Variants in SMAP2 observed in about 807,000 individuals in gnomAD.
SMAP2 encodes small ArfGAP2, also known as stromal membrane-associated protein 2.
In SMAP2, 25 loss-of-function variants were observed where a neutral mutation model predicts 56.4. The ratio of observed to expected loss-of-function variants is 0.44; its 90% CI spans 0.32 to 0.62. The LOEUF is 0.62. SMAP2 is among the 20% of genes least tolerant of loss of function. The probability of loss-of-function intolerance (pLI) is 0.04; values close to 1 mark genes in which losing one functional copy is unlikely to be tolerated. For synonymous variants in SMAP2, 157 were observed against 181.7 expected, an observed-to-expected ratio of 0.86 and a Z score of 1.09; for missense variants, 388 against 545.6, an observed-to-expected ratio of 0.71 and a Z score of 2.88.
chr1:40,416,768 T>C lies in SMAP2; in HGVS notation c.848-12T>C, dbSNP rs754636539. 6.3e-7 allele frequency: 1 copy of C among 1,590,170 alleles called. No individual in the cohort carries two copies. Among genetic ancestry groups the C allele is most frequent in the African/African-American group, 1.3e-5 (1 of 74,516 alleles). ...CCTCTTTAACCAACCTGTATGTGTG[T>C]TTTCTTGGCAGCAATGTTCATGGCT... On this transcript the variant is annotated splice_polypyrimidine_tract_variant and intron_variant, in intron 8 of 9. Coordinates refer to ENST00000372718, the MANE Select transcript of SMAP2 (RefSeq NM_022733.3).
intron 1 of SMAP2, among the ~76,000 whole-genome samples, chr1:40,351,928 G>A (rs186642584): frequency 3.3e-5 from 5 of 152,052 alleles, no homozygotes; most frequent in South Asian, 2.1e-4. Context: ...GTGAGCCACC[G>A]TACCCAGCCA....
At position 40,408,005 on chromosome 1, in the gene SMAP2, C is replaced by G. The variant is rs1644902381; in HGVS notation, c.238-648C>G. On this transcript the variant is annotated intron_variant, in intron 2 of 9. Transcript: ENST00000372718. The surrounding 1 kb of genome is among the most constrained non-coding windows in gnomAD (Gnocchi z 4.3). ...GAGTAAAAGGGAAGCCCCCCGCCCC[C>G]CAAATCCAGTTGCTAAAGTTGGTAA... 6.6e-6 allele frequency among the ~76,000 whole-genome samples: 1 copy of G among 152,074 alleles called. No homozygotes were observed. Among genetic ancestry groups the G allele is most frequent in the Admixed American group, 6.5e-5 (1 of 15,270 alleles).
intron 1 of SMAP2, among the ~76,000 whole-genome samples, chr1:40,387,810 C>T (rs932989025): frequency 5.9e-5 from 9 of 151,312 alleles, no homozygotes; most frequent in Non-Finnish European, 1.3e-4. Flanking sequence ...CCTGGGCTGG[C>T]CGAGGCCGGA....
At chr1:40,401,406 G>A (rs988247363) in intron 1 of SMAP2, among the ~76,000 whole-genome samples, 1 of 152,292 alleles carries the variant, frequency 6.6e-6, no homozygotes, top group Admixed American at 6.5e-5. Context: ...CTCCCTTCGC[G>A]TAGCCTGCCC....
intron 1 of SMAP2, among the ~76,000 whole-genome samples, chr1:40,388,663 C>T (rs186771394): frequency 4.7e-4 from 72 of 152,262 alleles, no homozygotes; most frequent in Admixed American, 1.3e-3. Flanking sequence ...CAGACCGCTC[C>T]GCTCTACCAA....
chr1:40,375,508 G>C (rs1644532791), intron 1 of SMAP2, among the ~76,000 whole-genome samples: 1 of 152,228 alleles, frequency 6.6e-6, no homozygotes, highest in African/African-American at 2.4e-5. Context: ...ATGTATTTTA[G>C]TGACCTCTAC....
At position 40,422,268 on chromosome 1, in the gene SMAP2, A is replaced by G; in HGVS notation, c.*167A>G. 1.2e-6 allele frequency: 1 copy of G among 868,412 alleles called. No individual in the cohort carries two copies. Among genetic ancestry groups the G allele is most frequent in the Non-Finnish European group, 1.7e-6 (1 of 572,656 alleles). 53.8% of individuals were successfully genotyped at this position (868,412 alleles called of 1,614,324 possible). ...CCTGCCCAGCCACTTCCCAAACATG[A>G]AGACCTCTCTGTTGCTTTATGTTGT... On this transcript the variant is annotated 3_prime_UTR_variant, in exon 10 of 10. Coordinates refer to ENST00000372718, the MANE Select transcript of SMAP2 (RefSeq NM_022733.3).
chr1:40,375,990 G>A (rs547982654), intron 1 of SMAP2, among the ~76,000 whole-genome samples: 30 of 151,624 alleles, frequency 2.0e-4, no homozygotes, highest in Admixed American at 1.7e-3. Context: ...TCGCTTTGTC[G>A]CCCAGGCTGG....
chr1:40,416,527 G>C (rs1644988695), intron 8 of SMAP2, among the ~76,000 whole-genome samples, 186 bp downstream of exon 8: 1 of 152,196 alleles, frequency 6.6e-6, no homozygotes, highest in Non-Finnish European at 1.5e-5. Context: ...CTTCTGTGGA[G>C]TCTGGGGTCA....
At chr1:40,378,891 T>C (rs1644567707) in intron 1 of SMAP2, among the ~76,000 whole-genome samples, 1 of 152,130 alleles carries the variant, frequency 6.6e-6, no homozygotes, top group Admixed American at 6.5e-5. Context: ...ATATGTACGG[T>C]ATAAAATCAT....
chr1:40,396,709 A>T, intron 1 of SMAP2: 1 of 355,518 alleles, frequency 2.8e-6, no homozygotes, highest in Non-Finnish European at 3.9e-6. Flanking sequence ...GTTCAAAGTT[A>T]CTGTTTATTG....
At chr1:40,345,959 T>C (rs1196297424) in intron 1 of SMAP2, among the ~76,000 whole-genome samples, 2 of 137,306 alleles carry the variant, frequency 1.5e-5, no homozygotes, top group South Asian at 2.2e-4. Flanking sequence ...ACCTGGTATT[T>C]CTATCACTTT....
At chr1:40,391,998 A>G (rs16865675) in intron 1 of SMAP2, among the ~76,000 whole-genome samples, 1,744 of 152,106 alleles carry the variant, frequency 0.011, 29 homozygotes, top group African/African-American at 0.04. Flanking sequence ...TTGAAATATC[A>G]GGTCCACCTG....
chr1:40,398,902 T>C (rs972432628), intron 1 of SMAP2, among the ~76,000 whole-genome samples: 1 of 152,234 alleles, frequency 6.6e-6, no homozygotes, highest in Non-Finnish European at 1.5e-5. Flanking sequence ...GTTACAGGTC[T>C]GGTGACAGCT....
At chr1:40,382,299 T>C (rs1375786133) in intron 1 of SMAP2, among the ~76,000 whole-genome samples, 1 of 152,194 alleles carries the variant, frequency 6.6e-6, no homozygotes, top group Non-Finnish European at 1.5e-5. Flanking sequence ...CTACTTGTTA[T>C]GTACACTGCC....
At chr1:40,353,026 G>A (rs1644416919) in intron 1 of SMAP2, among the ~76,000 whole-genome samples, 1 of 152,176 alleles carries the variant, frequency 6.6e-6, no homozygotes, top group Non-Finnish European at 1.5e-5. Context: ...TGGACTCTAT[G>A]GCAGACATTG....
intron 1 of SMAP2, among the ~76,000 whole-genome samples, chr1:40,404,247 A>G (rs1008962272): frequency 7.2e-5 from 11 of 152,258 alleles, no homozygotes; most frequent in Admixed American, 5.2e-4. Context: ...CTAGTGGCTC[A>G]AAACTAAAAG....
At chr1:40,351,519 T>A (rs981560914) in intron 1 of SMAP2, among the ~76,000 whole-genome samples, 7 of 152,188 alleles carry the variant, frequency 4.6e-5, no homozygotes, top group South Asian at 2.1e-4. Flanking sequence ...TTATTTATTT[T>A]TTGATACAGA....
chr1:40,392,508 C>T (rs1644726349), intron 1 of SMAP2, among the ~76,000 whole-genome samples: 1 of 152,156 alleles, frequency 6.6e-6, no homozygotes, highest in Non-Finnish European at 1.5e-5. Flanking sequence ...TAATCTCTTT[C>T]CTGCCCTCAA....
Sources: allele counts gnomAD v4.1 joint callset (sites outside exome capture counted in the v4.1 genomes callset), GRCh38; gene constraint gnomAD v4.1.1; non-coding constraint Gnocchi (gnomAD v3.1); transcripts MANE v1.5; gene names NCBI Gene and HGNC (gene_info 2026-07-23, HGNC 2026-07-21).